The following CENPP variants were observed in gnomAD, a reference collection of about 807,000 sequenced individuals.
CENPP encodes centromere protein P.
Under a neutral mutation model 35.6 loss-of-function variants are expected in CENPP, and 24 were observed. That is an observed-to-expected ratio of 0.67 (90% CI 0.49 to 0.95). The LOEUF is 0.95. CENPP is among the 40% of genes least tolerant of loss of function. The pLI is 0.00. For synonymous variants in CENPP, 120 were observed against 125.5 expected (o/e 0.96, Z 0.29); for missense variants, 332 against 345.3 (o/e 0.96, Z 0.31).
At chr9:92,353,774 G>T (rs1342137005) in intron 4 of CENPP, among the ~76,000 whole-genome samples, 1 of 152,202 alleles carries the variant, frequency 6.6e-6, no homozygotes, top group Non-Finnish European at 1.5e-5. Flanking sequence ...AATTTTGCCA[G>T]TAGATCACTA....
intron 5 of CENPP, among the ~76,000 whole-genome samples, chr9:92,551,405 A>G (rs1849584136): frequency 6.6e-6 from 1 of 152,156 alleles, no homozygotes; most frequent in Admixed American, 6.5e-5. Flanking sequence ...TGGCACAACC[A>G]TGGCTTACTG....
chr9:92,601,875 G>A (rs564616094), intron 5 of CENPP, among the ~76,000 whole-genome samples: 10 of 152,366 alleles, frequency 6.6e-5, no homozygotes, highest in African/African-American at 2.2e-4. Context: ...ACAGACAGGG[G>A]TGGAAGTGGC....
intron 5 of CENPP, among the ~76,000 whole-genome samples, chr9:92,519,686 G>C (rs977700106): frequency 6.6e-6 from 1 of 151,410 alleles, no homozygotes; most frequent in Admixed American, 6.6e-5. Flanking sequence ...CTTATATTTA[G>C]ACCTTTGCTG....
At position 92,560,399 on chromosome 9, in the gene CENPP, G is replaced by A. The variant is rs747131068; in HGVS notation, c.565-50915G>A. Among the ~76,000 whole-genome samples the A allele has an allele frequency of 2.8e-4, 42 of 152,106 alleles. 1 individual carries two copies. The highest frequency in any genetic ancestry group is 1.3e-4 in the Admixed American group (2 of 15,270). ...GCCATCTAGTCTTGGGTATGAACCC[G>A]TACCTCCCCAGTTTCCATCCTTTTG... On this transcript the variant is annotated intron_variant, in intron 5 of 7. Transcript: ENST00000375587.
intron 5 of CENPP, among the ~76,000 whole-genome samples, chr9:92,427,277 C>G (rs1042775727): frequency 2.0e-5 from 3 of 152,188 alleles, no homozygotes; most frequent in African/African-American, 7.2e-5. Flanking sequence ...ATTCTCCTGC[C>G]TCAGCCTCCT....
intron 5 of CENPP, among the ~76,000 whole-genome samples, chr9:92,511,409 GCC>G (rs1847332987): frequency 6.7e-6 from 1 of 149,698 alleles, no homozygotes; most frequent in Non-Finnish European, 1.5e-5. Context: ...ACAGGCATGA[GCC>G]ACTGTGCCTG....
chr9:92,514,950 G>T (rs554949394), intron 5 of CENPP: 1 of 1,613,924 alleles, frequency 6.2e-7, no homozygotes, highest in Admixed American at 1.7e-5. Flanking sequence ...CTCCTCCTCT[G>T]CTGTCCCCCT....
chr9:92,529,916 C>T (rs999551430), intron 5 of CENPP, among the ~76,000 whole-genome samples: 1 of 152,080 alleles, frequency 6.6e-6, no homozygotes. Context: ...CAACCATGAG[C>T]GAAAAATGTA....
intron 5 of CENPP, among the ~76,000 whole-genome samples, chr9:92,518,615 G>A (rs117161319): frequency 6.6e-6 from 1 of 152,138 alleles, no homozygotes; most frequent in African/African-American, 2.4e-5. Flanking sequence ...GTATAATACT[G>A]TCTGGGCACG....
At chr9:92,349,353 T>C (rs544232937) in intron 4 of CENPP, among the ~76,000 whole-genome samples, 5 of 152,214 alleles carry the variant, frequency 3.3e-5, no homozygotes, top group African/African-American at 1.2e-4. Flanking sequence ...TTGAAGGATA[T>C]CTGGGTTATT....
intron 5 of CENPP, among the ~76,000 whole-genome samples, chr9:92,563,023 G>A (rs1197852831): frequency 6.6e-6 from 1 of 152,042 alleles, no homozygotes; most frequent in African/African-American, 2.4e-5. Context: ...TTTTTATTGT[G>A]CTGTTTTTAT....
At chr9:92,503,818 G>T (rs1846830460) in intron 5 of CENPP, among the ~76,000 whole-genome samples, 1 of 152,338 alleles carries the variant, frequency 6.6e-6, no homozygotes, top group East Asian at 1.9e-4. Flanking sequence ...ATCAGTAAGA[G>T]ACTAGTCAAA....
intron 5 of CENPP, among the ~76,000 whole-genome samples, chr9:92,496,793 A>G (rs1846369637): frequency 6.6e-6 from 1 of 152,220 alleles, no homozygotes; most frequent in Non-Finnish European, 1.5e-5. Flanking sequence ...GTTAAACAAC[A>G]TGACAAAGAA....
chr9:92,458,054 A>T (rs1382627247), intron 5 of CENPP, among the ~76,000 whole-genome samples: 1 of 152,208 alleles, frequency 6.6e-6, no homozygotes, highest in Admixed American at 6.5e-5. Context: ...TTGTAGAAAG[A>T]TCTATCAACA....
chr9:92,457,010 G>A (rs1844900450), intron 5 of CENPP: 45 of 1,148,950 alleles, frequency 3.9e-5, no homozygotes, highest in Non-Finnish European at 4.8e-5. Flanking sequence ...TTACTTTTTT[G>A]TTATGAAGAA....
At chr9:92,429,725 T>C (rs1441362675) in intron 5 of CENPP, among the ~76,000 whole-genome samples, 3 of 151,992 alleles carry the variant, frequency 2.0e-5, no homozygotes, top group African/African-American at 7.2e-5. Context: ...AGGCGGAGGT[T>C]GCAGTGAGCC....
intron 4 of CENPP, among the ~76,000 whole-genome samples, chr9:92,356,511 A>G (rs1391712847): frequency 6.6e-6 from 1 of 152,220 alleles, no homozygotes; most frequent in African/African-American, 2.4e-5. Context: ...AGTACAGTTA[A>G]CACAGTTGTC....
intron 4 of CENPP, among the ~76,000 whole-genome samples, chr9:92,366,432 A>G (rs1258365762): frequency 6.6e-6 from 1 of 152,164 alleles, no homozygotes; most frequent in Non-Finnish European, 1.5e-5. Context: ...CCCTCTAGAC[A>G]TAAAATTACT....
intron 6 of CENPP, among the ~76,000 whole-genome samples, chr9:92,611,899 G>A (rs753260468): frequency 1.3e-5 from 2 of 152,214 alleles, no homozygotes; most frequent in African/African-American, 2.4e-5. Context: ...TGACCTGTGT[G>A]TGAATGCCTC....
Sources: gnomAD v4.1 joint callset for allele counts (sites outside exome capture counted in the v4.1 genomes callset) on GRCh38, gnomAD v4.1.1 for gene constraint, MANE v1.5 for transcripts, NCBI Gene and HGNC (gene_info 2026-07-23, HGNC 2026-07-21) for gene names.